DYNC1I1: variants seen among roughly 807,000 people sequenced by gnomAD.
DYNC1I1 encodes dynein cytoplasmic 1 intermediate chain 1.
In DYNC1I1, 43 loss-of-function variants were observed where a neutral mutation model predicts 86.6. The ratio of observed to expected loss-of-function variants is 0.50; its 90% CI spans 0.39 to 0.64. DYNC1I1 has a LOEUF of 0.64. Among genes scored for constraint, DYNC1I1 ranks in the 30% least tolerant of loss-of-function variants. The pLI is 0.00. For synonymous variants in DYNC1I1, 262 were observed against 283.7 expected (o/e 0.92, Z 0.77); for missense variants, 604 against 788.8 (o/e 0.77, Z 2.81).
At chr7:96,047,307 T>C (rs1789248252) in intron 14 of DYNC1I1, among the ~76,000 whole-genome samples, 1 of 152,148 alleles carries the variant, frequency 6.6e-6, no homozygotes, top group African/African-American at 2.4e-5. Context: ...AGCGTAATAC[T>C]GAAGCTCAGG....
intron 10 of DYNC1I1, among the ~76,000 whole-genome samples, chr7:96,005,806 C>T (rs930586811): frequency 3.9e-5 from 6 of 152,130 alleles, no homozygotes; most frequent in Non-Finnish European, 5.9e-5. Context: ...AAAGATTCTA[C>T]AAAAATAGAA....
intron 5 of DYNC1I1, among the ~76,000 whole-genome samples, chr7:95,860,226 A>G (rs1789840760): frequency 6.6e-6 from 1 of 152,154 alleles, no homozygotes; most frequent in African/African-American, 2.4e-5. Flanking sequence ...TCTCTATCAT[A>G]ATGATCTGGC....
At chr7:96,080,658 G>C (rs1451444344) in intron 16 of DYNC1I1, among the ~76,000 whole-genome samples, 170 bp downstream of exon 16, 1 of 152,146 alleles carries the variant, frequency 6.6e-6, no homozygotes, top group East Asian at 1.9e-4. Flanking sequence ...GGCCTAATTT[G>C]ATCTTCTGTC....
chr7:95,820,764 G>T (rs1250245848), intron 4 of DYNC1I1, among the ~76,000 whole-genome samples: 1 of 152,228 alleles, frequency 6.6e-6, no homozygotes, highest in Non-Finnish European at 1.5e-5. Flanking sequence ...TATTCATAGA[G>T]ACAGGGTCTC....
chr7:95,789,178 C>T (rs1474720741), intron 1 of DYNC1I1, among the ~76,000 whole-genome samples: 2 of 152,184 alleles, frequency 1.3e-5, no homozygotes, highest in Admixed American at 6.5e-5. Flanking sequence ...GTTATCCATT[C>T]GTGTACAAAA....
intron 7 of DYNC1I1, among the ~76,000 whole-genome samples, chr7:95,979,703 A>G (rs1562961955): frequency 6.6e-6 from 1 of 152,234 alleles, no homozygotes; most frequent in Non-Finnish European, 1.5e-5. Flanking sequence ...GGTCTCAGAC[A>G]TTGAGAAGTT....
chr7:95,919,522 GA>G (rs1791557937), intron 6 of DYNC1I1, among the ~76,000 whole-genome samples: 1 of 152,072 alleles, frequency 6.6e-6, no homozygotes, highest in Non-Finnish European at 1.5e-5. Flanking sequence ...AAGTAAAAGA[GA>G]AAAAGTTATG....
intron 6 of DYNC1I1, among the ~76,000 whole-genome samples, chr7:95,960,245 T>G (rs1320452167): frequency 6.6e-6 from 1 of 152,184 alleles, no homozygotes; most frequent in Non-Finnish European, 1.5e-5. Flanking sequence ...TAGCTGGGAT[T>G]ACAGGCGGAC....
chr7:95,803,567 G>T (rs1794632863), intron 1 of DYNC1I1, among the ~76,000 whole-genome samples: 4 of 152,302 alleles, frequency 2.6e-5, no homozygotes. Context: ...AGTGACTGTA[G>T]ATTCATGATT....
chr7:96,050,049 A>AAAC (rs1562985747), intron 14 of DYNC1I1, among the ~76,000 whole-genome samples: 16 of 151,356 alleles, frequency 1.1e-4, no homozygotes, highest in African/African-American at 3.9e-4. Flanking sequence ...AAAAAAAAAA[A>AAAC]CAGTATAGCT....
intron 16 of DYNC1I1, among the ~76,000 whole-genome samples, chr7:96,106,552 A>G (rs1005057344): frequency 6.6e-6 from 1 of 152,146 alleles, no homozygotes; most frequent in African/African-American, 2.4e-5. Context: ...AAGAAAAAAA[A>G]GAGAGAGAGA....
At chr7:95,778,008 C>T (rs1220709980) in intron 1 of DYNC1I1, among the ~76,000 whole-genome samples, 1 of 152,052 alleles carries the variant, frequency 6.6e-6, no homozygotes, top group African/African-American at 2.4e-5. Flanking sequence ...AAAATAAAAC[C>T]GTGACATCAT....
At chr7:95,960,025 G>A (rs190302455) in intron 6 of DYNC1I1, among the ~76,000 whole-genome samples, 157 of 152,300 alleles carry the variant, frequency 1.0e-3, no homozygotes, top group Admixed American at 1.8e-3. Flanking sequence ...CTAGGCAAAG[G>A]TTAGATCACA....
rs979882607 is a variant in DYNC1I1, at chr7:96,097,799, C to A, written c.*206C>A. 1.5e-6 allele frequency: 2 copies of A among 1,292,548 alleles called. No individual in the cohort carries two copies. The highest frequency in any genetic ancestry group is 3.3e-5 in the Admixed American group (1 of 29,970). 80.1% of individuals were successfully genotyped at this position (1,292,548 alleles called of 1,614,324 possible). On this transcript the variant is annotated 3_prime_UTR_variant, in exon 17 of 17. Coordinates refer to ENST00000447467, the MANE Select transcript of DYNC1I1 (RefSeq NM_001135556.2). Reference sequence around the variant, plus strand: ...CCAAAATTCACCACAGCATTTCTATCTTTATATTTCTGTCTCAAAAATGAA... The same window carrying A: ...CCAAAATTCACCACAGCATTTCTATATTTATATTTCTGTCTCAAAAATGAA...
In DYNC1I1 at chr7:95,864,122, C is replaced by G. The variant is rs558581216; in HGVS notation, c.375-5761C>G. ...GATCATCCTTATATCACACTTGGAG[C>G]TTCACCTTTTTTTGGATAATACAAC... is the stretch of plus-strand genomic sequence containing the variant. On this transcript the variant is annotated intron_variant, in intron 5 of 16. Coordinates refer to ENST00000447467, the MANE Select transcript of DYNC1I1 (RefSeq NM_001135556.2). 4.6e-5 allele frequency among the ~76,000 whole-genome samples: 7 copies of G among 152,294 alleles called. No homozygotes were observed. In the South Asian group the frequency reaches 1.5e-3, roughly 32 times the overall value.
At chr7:96,068,730 G>A (rs1790070003) in intron 14 of DYNC1I1, among the ~76,000 whole-genome samples, 1 of 152,154 alleles carries the variant, frequency 6.6e-6, no homozygotes, top group South Asian at 2.1e-4. Flanking sequence ...GGGAATCAAA[G>A]TGTAATCCAT....
intron 16 of DYNC1I1, among the ~76,000 whole-genome samples, chr7:96,092,722 G>T (rs534218623): frequency 4.5e-4 from 68 of 152,280 alleles, no homozygotes; most frequent in African/African-American, 1.6e-3. Context: ...GAGAAGTAGT[G>T]GGGTAGCCTG....
chr7:95,903,058 T>C (rs319299), intron 6 of DYNC1I1, among the ~76,000 whole-genome samples: 67,721 of 152,056 alleles, frequency 0.45, 16,222 homozygotes, highest in Non-Finnish European at 0.55. Context: ...TGAGATAGCC[T>C]AGTGGTGCAG....
In DYNC1I1 at chr7:95,839,264, C is replaced by T. The variant is rs200708801; in HGVS notation, c.374+11148C>T. Reference sequence around the variant, plus strand: ...CGGGCTAGTCTCAAACTCCTGACCTCGGGTGATCCACCCACCTCAGCCTCC... The same window carrying T: ...CGGGCTAGTCTCAAACTCCTGACCTTGGGTGATCCACCCACCTCAGCCTCC... On this transcript the variant is annotated intron_variant, in intron 5 of 16. Coordinates refer to ENST00000447467, the MANE Select transcript of DYNC1I1 (RefSeq NM_001135556.2). 7.2e-5 allele frequency among the ~76,000 whole-genome samples: 11 copies of T among 152,260 alleles called. No homozygotes were observed. In the East Asian group the frequency reaches 7.7e-4, roughly 11 times the overall value.
Sources: allele counts gnomAD v4.1 joint callset (sites outside exome capture counted in the v4.1 genomes callset), GRCh38; gene constraint gnomAD v4.1.1; transcripts MANE v1.5; gene names NCBI Gene and HGNC (gene_info 2026-07-23, HGNC 2026-07-21).